ARHGAP44: variants seen among roughly 807,000 people sequenced by gnomAD.
ARHGAP44 encodes Rho GTPase activating protein 44, also known as rho GTPase-activating protein 44.
A neutral mutation model predicts 106.8 loss-of-function variants in ARHGAP44; 43 were observed. The ratio of observed to expected loss-of-function variants is 0.40; its 90% CI spans 0.32 to 0.52. The LOEUF (loss-of-function observed/expected upper bound fraction) is 0.52. Ranked by LOEUF, ARHGAP44 falls within the 20% of genes least tolerant of loss-of-function variation. ARHGAP44 has a pLI of 0.48. For synonymous variants in ARHGAP44, 439 were observed against 410.3 expected, an observed-to-expected ratio of 1.07 and a Z score of -0.85; for missense variants, 866 against 1,050.5, an observed-to-expected ratio of 0.82 and a Z score of 2.43.
intron 6 of ARHGAP44, among the ~76,000 whole-genome samples, chr17:12,923,891 G>A (rs1214420761): frequency 6.6e-6 from 1 of 152,162 alleles, no homozygotes; most frequent in Non-Finnish European, 1.5e-5. Context: ...CTATTGAACA[G>A]CAGGGATCAC....
chr17:12,981,108 A>G (rs2039818751), intron 19 of ARHGAP44: 1 of 152,050 alleles, frequency 6.6e-6, no homozygotes, highest in African/African-American at 2.4e-5. Flanking sequence ...TTTGCATTCT[A>G]CACAAATTTA....
chr17:12,796,010 A>G (rs1369331743), intron 1 of ARHGAP44, among the ~76,000 whole-genome samples: 1 of 152,182 alleles, frequency 6.6e-6, no homozygotes, highest in Non-Finnish European at 1.5e-5. Context: ...TATAAGTAAT[A>G]TTTGTTTATG....
chr17:12,939,828 T>G (rs1395931577), intron 7 of ARHGAP44, among the ~76,000 whole-genome samples: 1 of 152,244 alleles, frequency 6.6e-6, no homozygotes, highest in East Asian at 1.9e-4. Flanking sequence ...CATAACATTG[T>G]CTAATCTGTA....
At chr17:12,918,850 G>T (rs1265409869) in intron 5 of ARHGAP44, among the ~76,000 whole-genome samples, 3 of 152,126 alleles carry the variant, frequency 2.0e-5, no homozygotes, top group African/African-American at 7.2e-5. Flanking sequence ...GGAGTTGGGG[G>T]CAAGGTGAGG....
At chr17:12,908,061 T>C (rs7503270) in intron 3 of ARHGAP44, among the ~76,000 whole-genome samples, 25,586 of 152,124 alleles carry the variant, frequency 0.17, 2,825 homozygotes, top group Non-Finnish European at 0.24. Context: ...TGAGGTTAAT[T>C]ATCTTTTCAT....
At chr17:12,981,012 C>G (rs2039816286) in intron 19 of ARHGAP44, 1 of 152,230 alleles carries the variant, frequency 6.6e-6, no homozygotes, top group African/African-American at 2.4e-5. Flanking sequence ...TTCCAGCCCC[C>G]TTAGTTCCGA....
intron 18 of ARHGAP44, among the ~76,000 whole-genome samples, chr17:12,977,446 C>G (rs939487080): frequency 6.6e-6 from 1 of 152,228 alleles, no homozygotes; most frequent in African/African-American, 2.4e-5. Context: ...CTACCCCAGG[C>G]CCCACCTTCA....
At chr17:12,811,408 A>T (rs1436372611) in intron 1 of ARHGAP44, among the ~76,000 whole-genome samples, 1 of 152,030 alleles carries the variant, frequency 6.6e-6, no homozygotes, top group African/African-American at 2.4e-5. Flanking sequence ...TGGTCTTCAC[A>T]TTGAGTAGGC....
chr17:12,952,322 C>T (rs2039009698), intron 12 of ARHGAP44, among the ~76,000 whole-genome samples, 179 bp from the exon 13 acceptor site: 1 of 152,074 alleles, frequency 6.6e-6, no homozygotes, highest in Non-Finnish European at 1.5e-5. Context: ...TCGCACAGGA[C>T]AAGACAGAAG....
chr17:12,830,692 G>A (rs1306561880), intron 1 of ARHGAP44, among the ~76,000 whole-genome samples: 1 of 152,142 alleles, frequency 6.6e-6, no homozygotes, highest in Non-Finnish European at 1.5e-5. Context: ...TAGGTGCCCT[G>A]TAAGGTCTTT....
chr17:12,895,501 T>G (rs560059397), intron 2 of ARHGAP44, among the ~76,000 whole-genome samples: 16 of 152,348 alleles, frequency 1.1e-4, no homozygotes, highest in Admixed American at 3.9e-4. Flanking sequence ...TTTTGAGAAG[T>G]GTCTGTTCAT....
chr17:12,957,438 G>A (rs1047164285), intron 15 of ARHGAP44, among the ~76,000 whole-genome samples: 1 of 152,174 alleles, frequency 6.6e-6, no homozygotes, highest in Non-Finnish European at 1.5e-5. Context: ...TAGATGCAGA[G>A]GGGGAGACAG....
chr17:12,949,243 C>T lies in ARHGAP44; in HGVS notation c.965C>T (p.Ala322Val). The change falls in exon 11 of 21, where the codon GCA (alanine) becomes GTA (valine). Residue 322 changes from alanine to valine, a missense_variant. By Grantham distance (64) the Ala-to-Val change is moderately conservative. Around this residue, in one of 2 missense-constraint regions of ARHGAP44, gnomAD observed 448 missense variants for 646.9 expected, o/e 0.69. Coordinates refer to ENST00000379672, the MANE Select transcript of ARHGAP44 (RefSeq NM_014859.6). The surrounding 1 kb of genome is among the most constrained non-coding windows in gnomAD (Gnocchi z 4.1). The part of the protein sequence containing the change: ...DVQEYSADPH[A>V]IAGALKSYLR... ...CAGGAGTACTCGGCAGACCCCCACGCAATTGCAGGTGGGCACCTCTCAGCG... is the reference window on the plus strand; with the variant it reads ...CAGGAGTACTCGGCAGACCCCCACGTAATTGCAGGTGGGCACCTCTCAGCG... 1 of 1,559,994 alleles carries T rather than the reference C, an allele frequency of 6.4e-7. No individual in the cohort carries two copies. The highest frequency in any genetic ancestry group is 8.7e-7 in the Non-Finnish European group (1 of 1,152,028).
intron 1 of ARHGAP44, among the ~76,000 whole-genome samples, chr17:12,798,810 A>C (rs1460790114): frequency 6.6e-6 from 1 of 152,168 alleles, no homozygotes; most frequent in Non-Finnish European, 1.5e-5. Context: ...CATTCTTTGA[A>C]GATAAAAACA....
chr17:12,839,773 T>G (rs1470143854), intron 1 of ARHGAP44, among the ~76,000 whole-genome samples: 1 of 152,238 alleles, frequency 6.6e-6, no homozygotes, highest in South Asian at 2.1e-4. Flanking sequence ...CCTCTTCTCT[T>G]TTCACATTAT....
chr17:12,943,814 C>G lies in ARHGAP44; in HGVS notation c.733+145C>G. ...TGAGCCTTTTGGACTTACTTCCAAA[C>G]TGGTGCCTTGAGTCGGGGGTGCGTA... On this transcript the variant is annotated intron_variant, in intron 9 of 20. Transcript: ENST00000379672. The G allele has an allele frequency of 2.9e-6, 3 of 1,022,310 alleles. No individual in the cohort carries two copies. In the South Asian group the frequency reaches 4.6e-5, roughly 16 times the overall value. The allele number at this position is 1,022,310 out of a possible 1,614,324, so 63.3% of individuals were successfully genotyped here. A position where few individuals can be genotyped will look rare whatever the true frequency, so the allele number is the denominator to read the frequency against.
At chr17:12,805,570 A>T (rs200784079) in intron 1 of ARHGAP44, among the ~76,000 whole-genome samples, 1 of 106,288 alleles carries the variant, frequency 9.4e-6, no homozygotes, top group East Asian at 3.4e-4. Flanking sequence ...TATTGTCTTT[A>T]TCTCCAAAGC....
At chr17:12,793,650 G>C (rs2033833057) in intron 1 of ARHGAP44, among the ~76,000 whole-genome samples, 1 of 151,854 alleles carries the variant, frequency 6.6e-6, no homozygotes, top group Non-Finnish European at 1.5e-5. Context: ...GGAGGTTGCA[G>C]TGAGCCAAGC....
intron 1 of ARHGAP44, among the ~76,000 whole-genome samples, chr17:12,862,022 C>T (rs1232641947): frequency 6.6e-6 from 1 of 152,158 alleles, no homozygotes; most frequent in Non-Finnish European, 1.5e-5. Flanking sequence ...TCTATCTGAA[C>T]CATCTTCAAA....
Sources: allele counts gnomAD v4.1 joint callset (sites outside exome capture counted in the v4.1 genomes callset), GRCh38; gene constraint gnomAD v4.1.1; regional missense constraint gnomAD v4.1.1; non-coding constraint Gnocchi (gnomAD v3.1); transcripts MANE v1.5; gene names NCBI Gene and HGNC (gene_info 2026-07-23, HGNC 2026-07-21).